Variants in CDK18 observed in about 807,000 individuals in gnomAD.
The protein encoded by CDK18 is cyclin dependent kinase 18.
In CDK18, 52 loss-of-function variants were observed where a neutral mutation model predicts 62.0. The observed-to-expected ratio is 0.84, with a 90% CI of 0.67 to 1.06. The LOEUF (loss-of-function observed/expected upper bound fraction) is 1.06, where lower values mean the gene tolerates loss of function less well. Among genes scored for constraint, CDK18 ranks in the 50% least tolerant of loss-of-function variants. The pLI is 0.00. For missense variants in CDK18, 604 were observed against 619.9 expected (o/e 0.97, Z 0.27); for synonymous variants, 237 against 247.0 (o/e 0.96, Z 0.38).
At chr1:205,522,812 C>A in intron 1 of CDK18, 1 of 181,838 alleles carries the variant, frequency 5.5e-6, no homozygotes, top group East Asian at 1.5e-4. Context: ...TCTGGGGGGC[C>A]TTCAGGATCC....
rs1351826223 is a variant in CDK18 at position 205,530,261 on chromosome 1, T to G, written c.1224T>G (p.Tyr408Ter). The G allele has an allele frequency of 6.2e-7, 1 of 1,612,398 alleles. No individual in the cohort carries two copies. Among genetic ancestry groups the G allele is most frequent in the Non-Finnish European group, 8.5e-7 (1 of 1,180,022 alleles). Residue 408 changes from tyrosine (Y) to a stop codon, truncating the protein, a stop_gained and splice_region_variant, in exon 14 of 16, where the codon TAT (tyrosine) becomes TAG (stop). Coordinates refer to ENST00000429964, the MANE Select transcript of CDK18 (RefSeq NM_212502.3). LOFTEE classifies it high-confidence loss of function. ...TAGCCCCACCCTGTGCCTTTCAGTA[T>G]GAATCCAAGAGTCGCATGTCAGCAG... Reference protein sequence around the residue: ...GIHLLSSLLLYESKSRMSAEA... With the variant: ...GIHLLSSLLL
intron 1 of CDK18, among the ~76,000 whole-genome samples, chr1:205,519,141 G>A (rs1667985940): frequency 6.6e-6 from 1 of 152,168 alleles, no homozygotes; most frequent in South Asian, 2.1e-4. Context: ...TGGTCATACT[G>A]AGCCCTTCTG....
chr1:205,529,088 G>T lies in CDK18; in HGVS notation c.1064G>T (p.Arg355Leu). The T allele has an allele frequency of 6.3e-7, 1 of 1,579,612 alleles. No homozygotes were observed. Reference sequence around the variant, plus strand: ...AAGGAGGAGCTGCACCTCATCTTTCGCCTCCTCGGTCAGTCTCCCGCTGCT... The same window carrying T: ...AAGGAGGAGCTGCACCTCATCTTTCTCCTCCTCGGTCAGTCTCCCGCTGCT... ...TVKEELHLIF[R>L]LLGTPTEETW... The change falls in exon 11 of 16, where the codon CGC (arginine) becomes CTC (leucine). Residue 355 changes from arginine to leucine, a missense_variant. Physicochemically the swap from Arg to Leu is moderately radical, Grantham distance 102 (BLOSUM62 -2). Coordinates refer to ENST00000429964, the MANE Select transcript of CDK18 (RefSeq NM_212502.3).
At chr1:205,513,814 G>A (rs530926532) in intron 1 of CDK18, among the ~76,000 whole-genome samples, 1 of 152,282 alleles carries the variant, frequency 6.6e-6, no homozygotes, top group African/African-American at 2.4e-5. Context: ...TCTCATTCCA[G>A]TCCACCCCTC....
intron 15 of CDK18, 85 bp from the exon 16 acceptor site, chr1:205,531,259 G>A: frequency 1.6e-6 from 2 of 1,261,326 alleles, no homozygotes; most frequent in South Asian, 1.2e-5. Flanking sequence ...GAGCAGCTCT[G>A]GGGGACAGCG....
rs775780776 is a variant in CDK18 at position 205,528,179 on chromosome 1, A to G, written c.974+11A>G. On this transcript the variant is annotated intron_variant, in intron 10 of 15. Coordinates refer to ENST00000429964, the MANE Select transcript of CDK18 (RefSeq NM_212502.3). The surrounding 1 kb of genome is among the most constrained non-coding windows in gnomAD (Gnocchi z 4.2). Reference sequence around the variant, plus strand: ...CCCCATTGATATGTGGTGAGTGAGCACTGTGGGGACCGAGGAGGGGAGGAC... The same window carrying G: ...CCCCATTGATATGTGGTGAGTGAGCGCTGTGGGGACCGAGGAGGGGAGGAC... 1 of 1,613,002 alleles carries G rather than the reference A, an allele frequency of 6.2e-7. No individual in the cohort carries two copies. The highest frequency in any genetic ancestry group is 1.1e-5 in the South Asian group (1 of 91,022).
chr1:205,528,672 C>T lies in CDK18; in HGVS notation c.975-327C>T, dbSNP rs1668566537. 2.1e-5 allele frequency: 7 copies of T among 328,404 alleles called. No homozygotes were observed. Among genetic ancestry groups the T allele is most frequent in the Admixed American group, 4.5e-5 (1 of 22,466 alleles). The allele number at this position is 328,404 out of a possible 1,614,324, so 20.3% of individuals were successfully genotyped here. A position where few individuals can be genotyped will look rare whatever the true frequency, so the allele number is the denominator to read the frequency against. ...TGTACTTCTCTTCCAGTGGGGCACA[C>T]AGTGGAGAGAGTTTGAGACAACACT... On this transcript the variant is annotated intron_variant, in intron 10 of 15. Coordinates refer to ENST00000429964, the MANE Select transcript of CDK18 (RefSeq NM_212502.3). This position sits in a 1 kb window ranked among gnomAD's most constrained non-coding sequence, Gnocchi z 4.2.
chr1:205,528,871 C>G lies in CDK18; in HGVS notation c.975-128C>G. 1 of 623,566 alleles carries G rather than the reference C, an allele frequency of 1.6e-6. No homozygotes were observed. The highest frequency in any genetic ancestry group is 2.0e-5 in the South Asian group (1 of 51,228). 38.6% of individuals were successfully genotyped at this position (623,566 alleles called of 1,614,324 possible). On this transcript the variant is annotated intron_variant, in intron 10 of 15. Transcript: ENST00000429964. This position sits in a 1 kb window ranked among gnomAD's most constrained non-coding sequence, Gnocchi z 4.2. The stretch of plus-strand genomic sequence containing the variant: ...AGGAGCCTCCACTGCCCTGGGCCAC[C>G]CCTCCGCCGCCAGAGCCACGATCCC...
At position 205,526,289 on chromosome 1, in the gene CDK18, C is replaced by T. The variant is rs1668421843; in HGVS notation, c.572-78C>T. 2.0e-6 allele frequency: 3 copies of T among 1,475,346 alleles called. No individual in the cohort carries two copies. In the South Asian group the frequency reaches 3.4e-5, roughly 17 times the overall value. 91.4% of individuals were successfully genotyped at this position (1,475,346 alleles called of 1,614,324 possible). A position where few individuals can be genotyped will look rare whatever the true frequency, so the allele number is the denominator to read the frequency against. ...AGAGGATCATTGCTGGAATGGGACT[C>T]CTGGCGCTGACCCCAAGAAAAGAGG... On this transcript the variant is annotated intron_variant, in intron 6 of 15. Coordinates refer to ENST00000429964, the MANE Select transcript of CDK18 (RefSeq NM_212502.3).
At chr1:205,512,461 G>A (rs1394565985) in intron 1 of CDK18, among the ~76,000 whole-genome samples, 5 of 152,210 alleles carry the variant, frequency 3.3e-5, no homozygotes. Context: ...CTGAACCCTG[G>A]TGAGTGAGTG....
intron 1 of CDK18, among the ~76,000 whole-genome samples, chr1:205,506,065 C>T (rs534826767): frequency 6.6e-6 from 1 of 152,332 alleles, no homozygotes; most frequent in South Asian, 2.1e-4. Flanking sequence ...GGACACGGGC[C>T]TGAGAGGATG....
In CDK18 at chr1:205,524,323, A is replaced by T; in HGVS notation, c.365A>T (p.Lys122Met). ...KLQMESPDLP[K>M]PLSRMSRRAS... ...CAGATGGAGAGCCCAGATCTGCCCA[A>T]GCCGCTCAGCCGCATGTCCCGCCGG... The change falls in exon 4 of 16, where the codon AAG (lysine) becomes ATG (methionine). Residue 122 changes from lysine (K) to methionine (M), a missense_variant. Transcript: ENST00000429964. The T allele has an allele frequency of 6.2e-7, 1 of 1,614,148 alleles. No homozygotes were observed. Among genetic ancestry groups the T allele is most frequent in the Non-Finnish European group, 8.5e-7 (1 of 1,180,034 alleles).
intron 1 of CDK18, among the ~76,000 whole-genome samples, chr1:205,521,214 GGTTT>G (rs1481820516): frequency 2.0e-5 from 3 of 152,090 alleles, no homozygotes; most frequent in East Asian, 3.9e-4. Flanking sequence ...TCAGTTTTTT[GGTTT>G]GTTTGTTTTT....
intron 1 of CDK18, among the ~76,000 whole-genome samples, chr1:205,505,746 T>G (rs546043618): frequency 6.6e-6 from 1 of 152,228 alleles, no homozygotes; most frequent in African/African-American, 2.4e-5. Context: ...GGGTTTTCTG[T>G]GCTGCAGGGT....
Position 205,527,891 on chromosome 1 carries a change from G to T in CDK18, c.827G>T (p.Arg276Met), listed in dbSNP as rs780961848. ...LKPQNLLINE[R>M]GELKLADFGL... ...CCCCAGAACCTGCTCATCAACGAGA[G>T]GGGGGAGCTGAAGCTGGCCGACTTT... is the stretch of plus-strand genomic sequence containing the variant. The change falls in exon 9 of 16, where the codon AGG becomes ATG. Residue 276 changes from arginine to methionine, a missense_variant. Physicochemically the swap from Arg to Met is moderately conservative, Grantham distance 91 (BLOSUM62 -1). Transcript: ENST00000429964. This position sits in a 1 kb window ranked among gnomAD's most constrained non-coding sequence, Gnocchi z 4.1. The T allele has an allele frequency of 2.5e-6, 4 of 1,614,002 alleles. No individual in the cohort carries two copies. Among genetic ancestry groups the T allele is most frequent in the African/African-American group, 2.7e-5 (2 of 74,916 alleles).
At chr1:205,526,539 G>A in intron 7 of CDK18, 78 bp downstream of exon 7, 1 of 1,202,566 alleles carries the variant, frequency 8.3e-7, no homozygotes, top group Non-Finnish European at 1.2e-6. Flanking sequence ...GGGAAGCTGA[G>A]GGAGTGGGAG....
rs1667612589 is a variant in CDK18 at position 205,512,527 on chromosome 1, C to G, written c.-22+7731C>G. Among the ~76,000 whole-genome samples, 3 of 152,144 alleles carry G rather than the reference C, an allele frequency of 2.0e-5. No homozygotes were observed. In the South Asian group the frequency reaches 6.2e-4, roughly 32 times the overall value. ...GAACAACTATGAGATGTTCAGAGGC[C>G]TGGGGGAGGCCATGCAGGCCAAGGA... On this transcript the variant is annotated intron_variant, in intron 1 of 15. Coordinates refer to ENST00000429964, the MANE Select transcript of CDK18 (RefSeq NM_212502.3).
In CDK18 at chr1:205,523,562, G is replaced by C; in HGVS notation, c.210G>C (p.Pro70=). The C allele has an allele frequency of 1.9e-6, 3 of 1,602,062 alleles. No homozygotes were observed. Among genetic ancestry groups the C allele is most frequent in the Non-Finnish European group, 2.6e-6 (3 of 1,174,828 alleles). The part of the protein sequence containing the change: ...TFSPTDSGEE[P]GQLSPGVQFQ... ...CCCCAACAGACAGCGGGGAGGAGCC[G>C]GGGCAGCTCTCCCCTGGCGTGCAGT... Residue 70 remains proline, a synonymous_variant, in exon 3 of 16, where the codon CCG becomes CCC. Transcript: ENST00000429964.
intron 4 of CDK18, 33 bp downstream of exon 4, chr1:205,524,390 G>C: frequency 6.2e-7 from 1 of 1,613,050 alleles, no homozygotes; most frequent in Non-Finnish European, 8.5e-7. Flanking sequence ...GACACAAGGT[G>C]GGGTGATATG....
Sources: allele counts gnomAD v4.1 joint callset (sites outside exome capture counted in the v4.1 genomes callset), GRCh38; gene constraint gnomAD v4.1.1; non-coding constraint Gnocchi (gnomAD v3.1); transcripts MANE v1.5; gene names NCBI Gene and HGNC (gene_info 2026-07-23, HGNC 2026-07-21).